The following CDK14 variants were observed in gnomAD, a reference collection of about 807,000 sequenced individuals.
The protein encoded by CDK14 is cyclin dependent kinase 14, also known as cyclin-dependent kinase 14.
A neutral mutation model predicts 60.7 loss-of-function variants in CDK14; 34 were observed. The ratio of observed to expected loss-of-function variants is 0.56; its 90% CI spans 0.43 to 0.75. The LOEUF is 0.75. Among genes scored for constraint, CDK14 ranks in the 30% least tolerant of loss-of-function variants. The pLI, the probability that CDK14 is intolerant of heterozygous loss-of-function variation, is 0.00. For missense variants in CDK14, 482 were observed against 564.1 expected (o/e 0.85, Z 1.47); for synonymous variants, 197 against 203.7 (o/e 0.97, Z 0.28).
intron 8 of CDK14, among the ~76,000 whole-genome samples, chr7:90,941,523 T>C (rs1280180972): frequency 6.6e-6 from 1 of 152,104 alleles, no homozygotes; most frequent in Non-Finnish European, 1.5e-5. Context: ...GGTGCAATCA[T>C]AGCTCACTGC....
chr7:90,817,918 C>G (rs559417403), intron 5 of CDK14, among the ~76,000 whole-genome samples: 3 of 152,252 alleles, frequency 2.0e-5, no homozygotes, highest in African/African-American at 7.2e-5. Flanking sequence ...GAACCAATCT[C>G]CCACCATCTA....
chr7:90,762,881 C>T (rs1257729236), intron 4 of CDK14, among the ~76,000 whole-genome samples: 1 of 152,002 alleles, frequency 6.6e-6, no homozygotes, highest in Non-Finnish European at 1.5e-5. Flanking sequence ...CCCAGCTACT[C>T]AAGAGGCTGA....
chr7:91,156,915 C>T (rs1801002446), intron 14 of CDK14, among the ~76,000 whole-genome samples: 2 of 152,060 alleles, frequency 1.3e-5, no homozygotes, highest in Non-Finnish European at 2.9e-5. Context: ...TTTGGATGGG[C>T]CTTCACTTGG....
At chr7:90,623,266 G>A (rs1371828858) in intron 2 of CDK14, among the ~76,000 whole-genome samples, 1 of 152,162 alleles carries the variant, frequency 6.6e-6, no homozygotes, top group Non-Finnish European at 1.5e-5. Context: ...GACTGAAAGA[G>A]TGGATCTGTG....
intron 5 of CDK14, among the ~76,000 whole-genome samples, chr7:90,862,362 G>A (rs905564944): frequency 1.3e-5 from 2 of 152,154 alleles, no homozygotes; most frequent in African/African-American, 4.8e-5. Flanking sequence ...CAAGAGAATG[G>A]TGGATGCCTA....
intron 11 of CDK14, among the ~76,000 whole-genome samples, chr7:91,059,910 G>T (rs1285440146): frequency 6.6e-6 from 1 of 152,246 alleles, no homozygotes; most frequent in African/African-American, 2.4e-5. Context: ...TTCTGTAGAT[G>T]TCTATTAGGT....
chr7:91,101,494 T>C (rs571521715), intron 12 of CDK14, among the ~76,000 whole-genome samples: 1 of 152,322 alleles, frequency 6.6e-6, no homozygotes, highest in Non-Finnish European at 1.5e-5. Flanking sequence ...TGAATAAGTA[T>C]TGAGTATTTT....
At chr7:90,680,639 A>G (rs1196371871) in intron 2 of CDK14, among the ~76,000 whole-genome samples, 1 of 152,222 alleles carries the variant, frequency 6.6e-6, no homozygotes, top group Non-Finnish European at 1.5e-5. Flanking sequence ...CAGTGAATAG[A>G]GTTGCATGTC....
chr7:90,607,223 G>A lies in CDK14; in HGVS notation c.123+2974G>A, dbSNP rs372532191. 2.6e-5 allele frequency among the ~76,000 whole-genome samples: 4 copies of A among 152,090 alleles called. No individual in the cohort carries two copies. In the East Asian group the frequency reaches 5.8e-4, roughly 22 times the overall value. On this transcript the variant is annotated intron_variant, in intron 2 of 14. Transcript: ENST00000380050. ...TATAATAGTAGAAATTTTTTTGAAC[G>A]CTTGTTTTTTACCTTCTCTCTCCTG... is the stretch of plus-strand genomic sequence containing the variant.
At chr7:90,937,463 A>G (rs1793790292) in intron 8 of CDK14, among the ~76,000 whole-genome samples, 2 of 152,204 alleles carry the variant, frequency 1.3e-5, no homozygotes, top group Admixed American at 6.5e-5. Context: ...CATCTCAGAA[A>G]GTATCCTGGT....
In CDK14 at chr7:90,649,280, C is replaced by G. The variant is rs201098537; in HGVS notation, c.123+45031C>G. 7.0e-3 allele frequency among the ~76,000 whole-genome samples: 393 copies of G among 56,166 alleles called. 1 individual carries two copies. Among genetic ancestry groups the G allele is most frequent in the South Asian group, 8.8e-3 (11 of 1,256 alleles). 36.8% of individuals were successfully genotyped at this position (56,166 alleles called of 152,430 possible). A position where few individuals can be genotyped will look rare whatever the true frequency, so the allele number is the denominator to read the frequency against. ...TCTTTCTTTCTTTCTTTCTTTCTTT[C>G]TTTCTTTCTTTCTTTCTTTCTTTCT... is the stretch of plus-strand genomic sequence containing the variant. On this transcript the variant is annotated intron_variant, in intron 2 of 14. Coordinates refer to ENST00000380050, the MANE Select transcript of CDK14 (RefSeq NM_001287135.2).
chr7:91,197,268 C>T (rs1209647695), intron 14 of CDK14, among the ~76,000 whole-genome samples: 1 of 151,992 alleles, frequency 6.6e-6, no homozygotes, highest in African/African-American at 2.4e-5. Flanking sequence ...GGCATGGTGG[C>T]GTGTGCCTGT....
intron 6 of CDK14, among the ~76,000 whole-genome samples, chr7:90,876,566 G>A (rs906925426): frequency 6.6e-6 from 1 of 152,214 alleles, no homozygotes; most frequent in Non-Finnish European, 1.5e-5. Context: ...CGCATAAGCA[G>A]TGCTGCTTCT....
At chr7:90,943,883 C>A (rs1018355059) in intron 8 of CDK14, among the ~76,000 whole-genome samples, 1 of 152,010 alleles carries the variant, frequency 6.6e-6, no homozygotes, top group African/African-American at 2.4e-5. Context: ...GAAATTTGGT[C>A]CCTAGTGTGG....
chr7:90,646,627 T>C (rs1288678528), intron 2 of CDK14, among the ~76,000 whole-genome samples: 1 of 152,138 alleles, frequency 6.6e-6, no homozygotes, highest in African/African-American at 2.4e-5. Flanking sequence ...CCAGACATTT[T>C]CTTTGCCTAT....
chr7:91,204,469 C>T (rs1196879097), intron 14 of CDK14, among the ~76,000 whole-genome samples: 3 of 152,042 alleles, frequency 2.0e-5, no homozygotes, highest in Non-Finnish European at 4.4e-5. Context: ...TCAAAGGACA[C>T]AGTTAACAGA....
intron 2 of CDK14, among the ~76,000 whole-genome samples, chr7:90,666,111 A>G (rs1800974597): frequency 6.6e-6 from 1 of 152,072 alleles, no homozygotes; most frequent in Admixed American, 6.5e-5. Flanking sequence ...ATTGCCCAGT[A>G]ATAGGTGGTT....
At chr7:90,817,187 G>C (rs913558481) in intron 5 of CDK14, among the ~76,000 whole-genome samples, 1 of 152,072 alleles carries the variant, frequency 6.6e-6, no homozygotes, top group Non-Finnish European at 1.5e-5. Context: ...GCATATGTGG[G>C]GAAAATGTAC....
At chr7:90,865,181 T>C (rs535461418) in intron 6 of CDK14, among the ~76,000 whole-genome samples, 1 of 152,312 alleles carries the variant, frequency 6.6e-6, no homozygotes, top group African/African-American at 2.4e-5. Context: ...TTGATTTTTG[T>C]GCATTTTTAG....
Sources: gnomAD v4.1 joint callset for allele counts (sites outside exome capture counted in the v4.1 genomes callset) on GRCh38, gnomAD v4.1.1 for gene constraint, MANE v1.5 for transcripts, NCBI Gene and HGNC (gene_info 2026-07-23, HGNC 2026-07-21) for gene names.